Variants in ATP8A1 observed in about 807,000 individuals in gnomAD.
ATP8A1 encodes ATPase phospholipid transporting 8A1.
In ATP8A1, 90 loss-of-function variants were observed where a neutral mutation model predicts 177.7. The observed-to-expected ratio is 0.51, with a 90% CI of 0.43 to 0.60. The LOEUF (loss-of-function observed/expected upper bound fraction) is 0.60, where lower values mean the gene tolerates loss of function less well. Among genes scored for constraint, ATP8A1 ranks in the 20% least tolerant of loss-of-function variants. The pLI, the probability that ATP8A1 is intolerant of heterozygous loss-of-function variation, is 0.00. For synonymous variants in ATP8A1, 493 were observed against 485.9 expected (o/e 1.01, Z -0.19); for missense variants, 1,072 against 1,392.8 (o/e 0.77, Z 3.67).
intron 35 of ATP8A1, among the ~76,000 whole-genome samples, chr4:42,415,731 A>C (rs1324070836): frequency 6.6e-6 from 1 of 152,168 alleles, no homozygotes; most frequent in Admixed American, 6.5e-5. Flanking sequence ...TCCCACTATA[A>C]AAGCTTTAGT....
chr4:42,457,687 C>A (rs911365766), intron 27 of ATP8A1, among the ~76,000 whole-genome samples: 17 of 152,304 alleles, frequency 1.1e-4, no homozygotes, highest in African/African-American at 4.1e-4. Flanking sequence ...TACGAATGGT[C>A]CCCTAGCTTC....
intron 6 of ATP8A1, among the ~76,000 whole-genome samples, chr4:42,597,487 A>C (rs1734832437): frequency 6.6e-6 from 1 of 152,178 alleles, no homozygotes; most frequent in Non-Finnish European, 1.5e-5. Flanking sequence ...TTGCTGCTTT[A>C]AGCTCACTGC....
intron 5 of ATP8A1, among the ~76,000 whole-genome samples, chr4:42,609,986 T>C (rs1280629051): frequency 6.6e-6 from 1 of 152,102 alleles, no homozygotes; most frequent in Non-Finnish European, 1.5e-5. Flanking sequence ...CTATTTGCTA[T>C]TTCCAGAGTA....
intron 33 of ATP8A1, among the ~76,000 whole-genome samples, chr4:42,432,118 C>G (rs1254667904): frequency 6.6e-6 from 1 of 152,092 alleles, no homozygotes; most frequent in Non-Finnish European, 1.5e-5. Flanking sequence ...CCATAATAGG[C>G]TCTTTTCTCC....
intron 29 of ATP8A1, 52 bp from the exon 30 acceptor site, chr4:42,452,111 G>A: frequency 7.8e-7 from 1 of 1,278,138 alleles, no homozygotes; most frequent in Non-Finnish European, 1.1e-6. Flanking sequence ...CTAGCTCTGT[G>A]AACTCTGACC....
chr4:42,450,158 T>C (rs1159225375), intron 30 of ATP8A1, among the ~76,000 whole-genome samples: 1 of 152,184 alleles, frequency 6.6e-6, no homozygotes, highest in African/African-American at 2.4e-5. Flanking sequence ...GGCATATCTA[T>C]ACCATGGAAT....
intron 24 of ATP8A1, among the ~76,000 whole-genome samples, chr4:42,492,891 T>C (rs1722867470): frequency 1.3e-5 from 2 of 152,252 alleles, no homozygotes; most frequent in South Asian, 4.1e-4. Context: ...AACACAAGTT[T>C]CTGTTTTTAC....
chr4:42,637,169 A>G (rs898500), intron 1 of ATP8A1: 255,387 of 518,376 alleles, frequency 0.49, 63,504 homozygotes, highest in Middle Eastern at 0.57. Flanking sequence ...TTTTCTGATC[A>G]ACATGGAATG....
In ATP8A1 at chr4:42,616,002, AAT is replaced by A. The variant is rs1278664135; in HGVS notation, c.409+29_409+30del. On this transcript the variant is annotated intron_variant, in intron 5 of 36. Transcript: ENST00000381668. ...GTATATACTACAAGTAGGTTTGACA[AAT>A]ATGAGAAAAAAGCATGTAAAATTCC... is the stretch of plus-strand genomic sequence containing the variant. The A allele has an allele frequency of 5.0e-6, 8 of 1,587,896 alleles. No individual in the cohort carries two copies. The African/African-American group carries it at 6.8e-5, about 13-fold the overall frequency.
intron 29 of ATP8A1, among the ~76,000 whole-genome samples, chr4:42,453,073 A>C (rs1408538079): frequency 6.6e-6 from 1 of 152,218 alleles, no homozygotes; most frequent in Admixed American, 6.5e-5. Flanking sequence ...CATTACCACA[A>C]GTTTTTATTT....
intron 31 of ATP8A1, among the ~76,000 whole-genome samples, chr4:42,446,222 T>C (rs1378447112): frequency 6.6e-6 from 1 of 152,136 alleles, no homozygotes; most frequent in Non-Finnish European, 1.5e-5. Context: ...ACTGCTCTGC[T>C]TTCGCATTCA....
intron 33 of ATP8A1, among the ~76,000 whole-genome samples, chr4:42,438,799 A>G (rs1011049132): frequency 2.6e-5 from 4 of 152,202 alleles, no homozygotes; most frequent in African/African-American, 4.8e-5. Flanking sequence ...TGGGATTGAA[A>G]AGAATGACCT....
At position 42,570,632 on chromosome 4, in the gene ATP8A1, C is replaced by T. The variant is rs1176863304; in HGVS notation, c.1296-1427G>A. On this transcript the variant is annotated intron_variant, in intron 14 of 36. Coordinates refer to ENST00000381668, the MANE Select transcript of ATP8A1 (RefSeq NM_006095.2). ...AGCCCTGGAAGAATGCTGAGCACTA[C>T]CTAGAGCCCGATGAGCAGTAGGTGG... Among the ~76,000 whole-genome samples, 6 of 152,352 alleles carry T rather than the reference C, an allele frequency of 3.9e-5. No individual in the cohort carries two copies. In the East Asian group the frequency reaches 9.6e-4, roughly 24 times the overall value.
At chr4:42,511,868 TAATC>T (rs1725039331) in intron 22 of ATP8A1, among the ~76,000 whole-genome samples, 1 of 152,162 alleles carries the variant, frequency 6.6e-6, no homozygotes, top group South Asian at 2.1e-4. Flanking sequence ...AAAGATATAA[TAATC>T]AAACTCGTAT....
chr4:42,423,075 T>A (rs904881806), intron 34 of ATP8A1, among the ~76,000 whole-genome samples, 176 bp from the exon 35 acceptor site: 2 of 152,166 alleles, frequency 1.3e-5, no homozygotes, highest in African/African-American at 4.8e-5. Context: ...GAAATTATAG[T>A]TTTAAAAATA....
intron 27 of ATP8A1, among the ~76,000 whole-genome samples, chr4:42,463,454 C>A (rs954126131): frequency 5.3e-5 from 8 of 152,200 alleles, no homozygotes; most frequent in African/African-American, 1.9e-4. Flanking sequence ...ATTGTGAGGC[C>A]TCCCCAGCCA....
At chr4:42,611,611 A>G (rs570574541) in intron 5 of ATP8A1, among the ~76,000 whole-genome samples, 1 of 141,000 alleles carries the variant, frequency 7.1e-6, no homozygotes, top group African/African-American at 2.5e-5. Flanking sequence ...AACTCCATCC[A>G]TCCTTTCCCA....
intron 15 of ATP8A1, among the ~76,000 whole-genome samples, chr4:42,564,925 G>C (rs1731205787): frequency 6.6e-6 from 1 of 152,138 alleles, no homozygotes; most frequent in Admixed American, 6.5e-5. Context: ...TTGAATCATG[G>C]GGACAGGTCT....
At chr4:42,487,530 C>CAT (rs1468459856) in intron 24 of ATP8A1, among the ~76,000 whole-genome samples, 3 of 151,826 alleles carry the variant, frequency 2.0e-5, no homozygotes, top group Admixed American at 6.6e-5. Context: ...TACAAATATA[C>CAT]ATATTTATAT....
Sources: gnomAD v4.1 joint callset for allele counts (sites outside exome capture counted in the v4.1 genomes callset) on GRCh38, gnomAD v4.1.1 for gene constraint, MANE v1.5 for transcripts, NCBI Gene and HGNC (gene_info 2026-07-23, HGNC 2026-07-21) for gene names.